The following CDH8 variants were observed in gnomAD, a reference collection of about 807,000 sequenced individuals.
CDH8 encodes the protein cadherin 8, also known as cadherin-8.
CDH8 carries 17 observed loss-of-function variants against 68.1 expected under a neutral mutation model. That is an observed-to-expected ratio of 0.25 (90% confidence interval 0.17 to 0.37). The LOEUF (loss-of-function observed/expected upper bound fraction) is 0.37. Ranked by LOEUF, CDH8 falls within the 10% of genes least tolerant of loss-of-function variation. The pLI is 1.00. For missense variants in CDH8, 763 were observed against 999.3 expected (o/e 0.76, Z 3.19); for synonymous variants, 372 against 365.1 (o/e 1.02, Z -0.21).
At chr16:61,972,627 G>T (rs986168314) in intron 2 of CDH8, among the ~76,000 whole-genome samples, 2 of 145,874 alleles carry the variant, frequency 1.4e-5, no homozygotes, top group African/African-American at 5.2e-5. Context: ...ATTGGGCCTG[G>T]TTCCCAGAGT....
intron 2 of CDH8, among the ~76,000 whole-genome samples, chr16:61,943,101 C>T (rs932957599): frequency 6.6e-6 from 1 of 152,078 alleles, no homozygotes; most frequent in South Asian, 2.1e-4. Flanking sequence ...AAGAAAAACA[C>T]CAATACAGAA....
At chr16:61,955,555 T>C (rs74321739) in intron 2 of CDH8, among the ~76,000 whole-genome samples, 3,011 of 152,280 alleles carry the variant, frequency 0.02, 94 homozygotes, top group African/African-American at 0.069. Context: ...TTGACTGAAA[T>C]TTTTCTCTTA....
intron 2 of CDH8, among the ~76,000 whole-genome samples, chr16:61,917,298 C>G (rs1008860694): frequency 6.6e-6 from 1 of 152,064 alleles, no homozygotes; most frequent in East Asian, 1.9e-4. Flanking sequence ...TCAGTTCTCC[C>G]TGCTTTCTCT....
chr16:61,877,547 T>G (rs1963484236), intron 3 of CDH8, among the ~76,000 whole-genome samples: 1 of 152,268 alleles, frequency 6.6e-6, no homozygotes, highest in Admixed American at 6.5e-5. Flanking sequence ...AGAACAAAAT[T>G]TATATTTCAG....
chr16:62,016,630 C>T (rs1368953100), intron 2 of CDH8, among the ~76,000 whole-genome samples: 1 of 152,148 alleles, frequency 6.6e-6, no homozygotes, highest in East Asian at 1.9e-4. Context: ...CAAAGAAAGT[C>T]AACACTGAGG....
At chr16:61,811,618 A>C (rs565194023) in intron 7 of CDH8, among the ~76,000 whole-genome samples, 2 of 152,308 alleles carry the variant, frequency 1.3e-5, no homozygotes, top group South Asian at 4.1e-4. Flanking sequence ...TAGTATTTAC[A>C]ATAGCCAAAA....
rs1210277605 is a variant in CDH8 at position 61,973,088 on chromosome 16, C to A, written c.252+48064G>T. On this transcript the variant is annotated intron_variant, in intron 2 of 11. Transcript: ENST00000577390. ...TTGGAGTTGCAGGGGTCCACTTATA[C>A]TCTGATTTTTTTCAATAAATGTTTC... Among the ~76,000 whole-genome samples the A allele has an allele frequency of 2.6e-5, 4 of 152,098 alleles. No homozygotes were observed. The East Asian group carries it at 7.7e-4, about 29-fold the overall frequency.
chr16:61,663,600 T>A (rs1963611132), intron 10 of CDH8, among the ~76,000 whole-genome samples: 1 of 151,998 alleles, frequency 6.6e-6, no homozygotes, highest in Non-Finnish European at 1.5e-5. Context: ...TACCATTGTT[T>A]AACCCACTTC....
In CDH8 at chr16:61,992,077, T is replaced by TGTGTGTGAGA. The variant is rs34925928; in HGVS notation, c.252+29074_252+29075insTCTCACACAC. ...GTGTGTGTGTGTGTGTGTGTGTGTG[T>TGTGTGTGAGA]GAGAGAGAGAGAGAGATTTTTACAG... On this transcript the variant is annotated intron_variant, in intron 2 of 11. Transcript: ENST00000577390. Among the ~76,000 whole-genome samples, 115 of 144,242 alleles carry TGTGTGTGAGA rather than the reference T, an allele frequency of 8.0e-4. No homozygotes were observed. In the East Asian group the frequency reaches 8.5e-3, roughly 11 times the overall value. The allele number at this position is 144,242 out of a possible 152,430, so 94.6% of individuals were successfully genotyped here. A position where few individuals can be genotyped will look rare whatever the true frequency, so the allele number is the denominator to read the frequency against.
At chr16:61,866,913 A>C (rs970874171) in intron 3 of CDH8, among the ~76,000 whole-genome samples, 1 of 152,180 alleles carries the variant, frequency 6.6e-6, no homozygotes, top group Non-Finnish European at 1.5e-5. Flanking sequence ...GAGAACAGAG[A>C]TATAAGCATT....
At chr16:61,798,242 G>T (rs539432131) in intron 7 of CDH8, among the ~76,000 whole-genome samples, 1 of 152,234 alleles carries the variant, frequency 6.6e-6, no homozygotes, top group South Asian at 2.1e-4. Flanking sequence ...TTGCAAATTT[G>T]ATTTTTTATT....
At chr16:61,767,563 A>G (rs1488685269) in intron 8 of CDH8, among the ~76,000 whole-genome samples, 3 of 151,958 alleles carry the variant, frequency 2.0e-5, no homozygotes, top group Non-Finnish European at 4.4e-5. Flanking sequence ...TGTTACTAAC[A>G]TTAAAAAAGT....
intron 8 of CDH8, among the ~76,000 whole-genome samples, chr16:61,776,245 T>C (rs1960897015): frequency 1.3e-5 from 2 of 152,132 alleles, no homozygotes; most frequent in South Asian, 4.1e-4. Flanking sequence ...ACTTCAAATA[T>C]AGCCGTTGAG....
chr16:62,035,294 T>A (rs1306933738), intron 1 of CDH8, among the ~76,000 whole-genome samples: 1 of 152,186 alleles, frequency 6.6e-6, no homozygotes, highest in Admixed American at 6.5e-5. Flanking sequence ...AGCGCAGGTC[T>A]GGGCTCAGCT....
intron 8 of CDH8, among the ~76,000 whole-genome samples, chr16:61,768,336 CTCTCTCT>C (rs1567461106): frequency 8.5e-6 from 1 of 117,846 alleles, no homozygotes; most frequent in Non-Finnish European, 1.8e-5. Context: ...CTCTCTCTCT[CTCTCTCT>C]CTCTCTCTCT....
Position 62,016,083 on chromosome 16 carries a change from C to G in CDH8, c.252+5069G>C, listed in dbSNP as rs191333262. 2.6e-5 allele frequency among the ~76,000 whole-genome samples: 4 copies of G among 152,212 alleles called. No individual in the cohort carries two copies. The South Asian group carries it at 6.2e-4, about 24-fold the overall frequency. On this transcript the variant is annotated intron_variant, in intron 2 of 11. Transcript: ENST00000577390. The stretch of plus-strand genomic sequence containing the variant: ...GCTCTTTTTCTCTTTATCCCTGAAC[C>G]CTGGTTCAACAACAGGTTAATGCAT...
chr16:61,953,764 G>T (rs1223356728), intron 2 of CDH8, among the ~76,000 whole-genome samples: 1 of 151,248 alleles, frequency 6.6e-6, no homozygotes, highest in Non-Finnish European at 1.5e-5. Flanking sequence ...AGCTACTTGG[G>T]GGGCTGAGGC....
intron 3 of CDH8, among the ~76,000 whole-genome samples, chr16:61,890,454 T>G (rs139902293): frequency 7.6e-4 from 115 of 152,302 alleles, no homozygotes; most frequent in African/African-American, 2.2e-3. Flanking sequence ...GAGCCAATTC[T>G]TTAATCTTAA....
At position 61,970,401 on chromosome 16, in the gene CDH8, T is replaced by C. The variant is rs1965318634; in HGVS notation, c.252+50751A>G. 2.0e-5 allele frequency among the ~76,000 whole-genome samples: 3 copies of C among 152,120 alleles called. No homozygotes were observed. In the South Asian group the frequency reaches 6.2e-4, roughly 32 times the overall value. On this transcript the variant is annotated intron_variant, in intron 2 of 11. Coordinates refer to ENST00000577390, the MANE Select transcript of CDH8 (RefSeq NM_001796.5). Reference sequence around the variant, plus strand: ...TAAGTAGAAGTTAAATAAAAGTCATTAAAGGCATAGAAAAATGGGAAACTT... The same window carrying C: ...TAAGTAGAAGTTAAATAAAAGTCATCAAAGGCATAGAAAAATGGGAAACTT...
Sources: allele counts gnomAD v4.1 joint callset (sites outside exome capture counted in the v4.1 genomes callset), GRCh38; gene constraint gnomAD v4.1.1; transcripts MANE v1.5; gene names NCBI Gene and HGNC (gene_info 2026-07-23, HGNC 2026-07-21).